Variants in UXT observed in about 807,000 individuals in gnomAD.
UXT encodes the protein ubiquitously expressed prefoldin like chaperone.
For missense variants in UXT, 111 were observed against 132.7 expected, an observed-to-expected ratio of 0.84 and a Z score of 0.80; for synonymous variants, 54 against 52.8, an observed-to-expected ratio of 1.02 and a Z score of -0.10.
chrX:47,655,452 C>T (rs1569342641), intron 4 of UXT, among the ~76,000 whole-genome samples: 1 of 111,971 alleles, frequency 8.9e-6, no homozygotes, highest in African/African-American at 3.2e-5. Context: ...CTTCCCATGG[C>T]TGGAAAGGTT....
rs183699821 is a variant in UXT at position 47,652,976 on chromosome X, G to A, written c.393-832C>T. ...AAGGAAGGCCTTTCTCAAGAATGAA[G>A]AATGAGAAGGAATCGAAGAATGCCT... On this transcript the variant is annotated intron_variant, in intron 4 of 5. Transcript: ENST00000335890. Among the ~76,000 whole-genome samples the A allele has an allele frequency of 5.4e-5, 6 of 112,093 alleles. No individual in the cohort carries two copies. The East Asian group carries it at 1.7e-3, about 31-fold the overall frequency.
At chrX:47,652,792 G>A (rs963458859) in intron 4 of UXT, among the ~76,000 whole-genome samples, 2 of 111,901 alleles carry the variant, frequency 1.8e-5, no homozygotes, top group African/African-American at 3.3e-5. Flanking sequence ...CAAGGCCATG[G>A]TAAGGACCCT....
chrX:47,655,347 G>A (rs769704769), intron 4 of UXT, among the ~76,000 whole-genome samples: 1 of 112,295 alleles, frequency 8.9e-6, no homozygotes, highest in South Asian at 3.7e-4. Flanking sequence ...AAAGCAGGCC[G>A]TTTAATTAAA....
At chrX:47,655,417 T>C (rs1376960748) in intron 4 of UXT, among the ~76,000 whole-genome samples, 1 of 112,228 alleles carries the variant, frequency 8.9e-6, no homozygotes, top group Non-Finnish European at 1.9e-5. Flanking sequence ...TGAGGTTCTT[T>C]TGGGTCCACT....
At chrX:47,655,880 G>C (rs755802172) in intron 4 of UXT, among the ~76,000 whole-genome samples, 1 of 112,014 alleles carries the variant, frequency 8.9e-6, no homozygotes, top group African/African-American at 3.2e-5. Context: ...GGCCACATGC[G>C]GTCCAGGACG....
intron 1 of UXT, among the ~76,000 whole-genome samples, chrX:47,658,322 C>T (rs1053701295): frequency 8.9e-5 from 10 of 111,765 alleles, no homozygotes; most frequent in African/African-American, 2.9e-4. Flanking sequence ...TAGTTCTGAA[C>T]ACCTTATTTC....
intron 1 of UXT, 121 bp downstream of exon 2, chrX:47,658,709 G>T: frequency 1.0e-6 from 1 of 969,945 alleles, no homozygotes; most frequent in Non-Finnish European, 1.3e-6. Flanking sequence ...CTCGCTCCAA[G>T]GAGCGCGGGG....
At chrX:47,657,903 C>G in intron 1 of UXT, 40 bp from the exon 3 acceptor site, 1 of 1,035,166 alleles carries the variant, frequency 9.7e-7, no homozygotes, top group Non-Finnish European at 1.3e-6. Flanking sequence ...ATAGGCAGCC[C>G]CATTCCTCCT....
intron 4 of UXT, among the ~76,000 whole-genome samples, chrX:47,656,365 A>T (rs546247408): frequency 2.7e-5 from 3 of 111,980 alleles, no homozygotes; most frequent in South Asian, 7.5e-4. Flanking sequence ...CAGAGTGTCT[A>T]CTATATGCTT....
At chrX:47,653,491 A>G (rs765807686) in intron 4 of UXT, among the ~76,000 whole-genome samples, 13 of 111,397 alleles carry the variant, frequency 1.2e-4, no homozygotes, top group Non-Finnish European at 2.3e-4. Context: ...TCCATCTCAG[A>G]TAATGGCAAC....
chrX:47,658,885 C>T lies in UXT; in HGVS notation c.79G>A (p.Glu27Lys), dbSNP rs2058093326. The change falls in exon 1 of 6, where the codon GAG (glutamate) becomes AAG (lysine). Residue 27 changes from glutamate to lysine, a missense_variant. By Grantham distance (56) the Glu-to-Lys change is moderately conservative. Transcript: ENST00000335890. ...AAGGTCTCGTAGCGCAGCACTTTCT[C>T]CCCCGTGGCCTCCACCGCCCGCCGC... 1 of 1,174,667 alleles carries T rather than the reference C, an allele frequency of 8.5e-7. No individual in the cohort carries two copies. The highest frequency in any genetic ancestry group is 1.1e-6 in the Non-Finnish European group (1 of 875,494).
At chrX:47,652,389 C>G (rs1317438557) in intron 4 of UXT, among the ~76,000 whole-genome samples, 1 of 112,164 alleles carries the variant, frequency 8.9e-6, no homozygotes, top group African/African-American at 3.2e-5. Flanking sequence ...GCCTGATGGA[C>G]TTCAAATTCT....
chrX:47,653,607 G>A (rs1334159795), intron 4 of UXT, among the ~76,000 whole-genome samples: 1 of 112,145 alleles, frequency 8.9e-6, no homozygotes. Context: ...TGCAGGTAAT[G>A]CTTCTGATCT....
chrX:47,657,480 T>C, intron 3 of UXT, 92 bp downstream of exon 4: 1 of 958,605 alleles, frequency 1.0e-6, no homozygotes, highest in African/African-American at 1.9e-5. Context: ...GCATAGTGCC[T>C]GGTACATAGA....
rs758502222 is a variant in UXT, at chrX:47,658,887, C to T, written c.77G>A (p.Gly26Glu). Residue 26 changes from glycine (G) to glutamate (E), a missense_variant, in exon 1 of 6, where the codon GGG becomes GAG. Gly to Glu is a moderately conservative substitution (Grantham distance 98). Transcript: ENST00000335890. ...GGTCTCGTAGCGCAGCACTTTCTCCCCCGTGGCCTCCACCGCCCGCCGCTT... is the reference window on the plus strand; with the variant it reads ...GGTCTCGTAGCGCAGCACTTTCTCCTCCGTGGCCTCCACCGCCCGCCGCTT... The T allele has an allele frequency of 1.4e-5, 16 of 1,177,678 alleles. 1 individual carries two copies. The Admixed American group carries it at 3.3e-4, about 24-fold the overall frequency.
rs66849572 is a variant in UXT, at chrX:47,654,146, T to A, written c.393-2002A>T. On this transcript the variant is annotated intron_variant, in intron 4 of 5. Coordinates refer to ENST00000335890, the MANE Select transcript of UXT (RefSeq NM_153477.3). ...ACTGCTGATTTATTTTTATTTGCTATGTGAGAAGCAAATTACTACTGATTT... is the reference window on the plus strand; with the variant it reads ...ACTGCTGATTTATTTTTATTTGCTAAGTGAGAAGCAAATTACTACTGATTT... 15,871 of 676,060 alleles carry A rather than the reference T, an allele frequency of 0.023. 1,453 individuals are homozygous for A. The African/African-American group carries it at 0.3, about 13-fold the overall frequency. 55.7% of individuals were successfully genotyped at this position (676,060 alleles called of 1,213,427 possible). A position where few individuals can be genotyped will look rare whatever the true frequency, so the allele number is the denominator to read the frequency against.
rs773791005 is a variant in UXT, at chrX:47,659,063, C to G, written c.-100G>C. 8.6e-7 allele frequency: 1 copy of G among 1,157,976 alleles called. No individual in the cohort carries two copies. The highest frequency in any genetic ancestry group is 1.2e-6 in the Non-Finnish European group (1 of 854,735). Reference sequence around the variant, plus strand: ...CAAGCTGGAGGTTCAGCCTTCCGCCCCTCCCAACTCGGGGACCCGACCACC... The same window carrying G: ...CAAGCTGGAGGTTCAGCCTTCCGCCGCTCCCAACTCGGGGACCCGACCACC... On this transcript the variant is annotated 5_prime_UTR_variant, in exon 1 of 6. Transcript: ENST00000335890.
chrX:47,656,079 T>C (rs979189672), intron 4 of UXT, among the ~76,000 whole-genome samples: 1 of 111,899 alleles, frequency 8.9e-6, no homozygotes, highest in East Asian at 2.8e-4. Context: ...TAAACTCAAC[T>C]GGAGCCCACA....
rs1316225434 is a variant in UXT at position 47,658,900 on chromosome X, C to G, written c.64G>C (p.Val22Leu). 5.9e-6 allele frequency: 7 copies of G among 1,184,319 alleles called. No individual in the cohort carries two copies. The highest frequency in any genetic ancestry group is 6.8e-6 in the Non-Finnish European group (6 of 880,324). ...AGCACTTTCTCCCCCGTGGCCTCCA[C>G]CGCCCGCCGCTTAGGGGGCGTCGCC... Residue 22 changes from valine to leucine, a missense_variant, in exon 1 of 6, where the codon GTG (valine) becomes CTG (leucine). Transcript: ENST00000335890.
Sources: gnomAD v4.1 joint callset for allele counts (sites outside exome capture counted in the v4.1 genomes callset) on GRCh38, gnomAD v4.1.1 for gene constraint, MANE v1.5 for transcripts, NCBI Gene and HGNC (gene_info 2026-07-23, HGNC 2026-07-21) for gene names.